OVOL2: variants seen among roughly 807,000 people sequenced by gnomAD.
OVOL2 encodes transcription factor Ovo-like 2.
A neutral mutation model predicts 18.1 loss-of-function variants in OVOL2; 13 were observed. The observed-to-expected ratio is 0.72, with a 90% CI of 0.47 to 1.14. The LOEUF is 1.14. Among genes scored for constraint, OVOL2 ranks in the 50% most tolerant of loss-of-function variants. The pLI is 0.00. For synonymous variants in OVOL2, 166 were observed against 162.7 expected, an observed-to-expected ratio of 1.02 and a Z score of -0.16; for missense variants, 335 against 383.0, an observed-to-expected ratio of 0.87 and a Z score of 1.05.
At chr20:18,038,738 A>T (rs2036642500) in intron 3 of OVOL2, among the ~76,000 whole-genome samples, 1 of 151,870 alleles carries the variant, frequency 6.6e-6, no homozygotes, top group Non-Finnish European at 1.5e-5. Flanking sequence ...CTCAGAGATG[A>T]TGTCCTTGAG....
intron 3 of OVOL2, among the ~76,000 whole-genome samples, chr20:18,031,683 T>C (rs777428328): frequency 2.0e-5 from 3 of 152,248 alleles, no homozygotes; most frequent in Non-Finnish European, 4.4e-5. Context: ...GTGTTACTTA[T>C]TTCACAACAA....
At chr20:18,026,915 A>G (rs2036524702) in intron 3 of OVOL2, among the ~76,000 whole-genome samples, 1 of 152,072 alleles carries the variant, frequency 6.6e-6, no homozygotes, top group African/African-American at 2.4e-5. Flanking sequence ...GATGGGACTT[A>G]AAGGTGGAAC....
intron 3 of OVOL2, among the ~76,000 whole-genome samples, chr20:18,032,378 G>GAGGA (rs150924331): frequency 2.0e-5 from 3 of 150,660 alleles, no homozygotes; most frequent in African/African-American, 2.5e-5. Context: ...GGAAGGGAAG[G>GAGGA]AGGAAGGAAG....
chr20:18,024,939 G>A lies in OVOL2; in HGVS notation c.525C>T (p.Tyr175=), dbSNP rs369150571. ...AGGCTTTATTGCAGACGTTGCATTT[G>A]TAGGGACGAATGCCTGAAAGGATGA... ...HVRTHTGIRP[Y]KCNVCNKAFT... The change falls in exon 4 of 4, where the codon TAC becomes TAT. Residue 175 remains tyrosine (Y), a synonymous_variant. Coordinates refer to ENST00000278780, the MANE Select transcript of OVOL2 (RefSeq NM_021220.4). 34 of 1,610,890 alleles carry A rather than the reference G, an allele frequency of 2.1e-5. No individual in the cohort carries two copies. The highest frequency in any genetic ancestry group is 2.6e-5 in the Non-Finnish European group (31 of 1,177,364).
rs1029568155 is a variant in OVOL2, at chr20:18,057,770, C to A, written c.-136G>T. On this transcript the variant is annotated 5_prime_UTR_variant, in exon 1 of 4. Coordinates refer to ENST00000278780, the MANE Select transcript of OVOL2 (RefSeq NM_021220.4). The surrounding 1 kb of genome is among the most constrained non-coding windows in gnomAD (Gnocchi z 6.3). ...CTCGCCTGCCCTCTTCCTCCACCCCCCGCCGCGGCGCGGCCCAGGCCTCTC... is the reference window on the plus strand; with the variant it reads ...CTCGCCTGCCCTCTTCCTCCACCCCACGCCGCGGCGCGGCCCAGGCCTCTC... The A allele has an allele frequency of 8.5e-6, 12 of 1,410,502 alleles. No individual in the cohort carries two copies. The highest frequency in any genetic ancestry group is 5.7e-5 in the East Asian group (2 of 35,294). 87.4% of individuals were successfully genotyped at this position (1,410,502 alleles called of 1,614,324 possible).
chr20:18,051,556 G>A (rs2036771309), intron 2 of OVOL2, among the ~76,000 whole-genome samples: 1 of 152,084 alleles, frequency 6.6e-6, no homozygotes, highest in Non-Finnish European at 1.5e-5. Flanking sequence ...GAAGACAGAT[G>A]CCCCACAGTG....
In OVOL2 at chr20:18,057,264, C is replaced by T. The variant is rs976621537; in HGVS notation, c.100+271G>A. On this transcript the variant is annotated intron_variant, in intron 1 of 3. Coordinates refer to ENST00000278780, the MANE Select transcript of OVOL2 (RefSeq NM_021220.4). This position sits in a 1 kb window ranked among gnomAD's most constrained non-coding sequence, Gnocchi z 6.3. ...GGGGTAGCCTCTGCTGGCTTTCAAT[C>T]CCTTTCCTGGGCCACCTTGGCCCGC... Among the ~76,000 whole-genome samples, 1 of 152,194 alleles carries T rather than the reference C, an allele frequency of 6.6e-6. No individual in the cohort carries two copies. The highest frequency in any genetic ancestry group is 1.5e-5 in the Non-Finnish European group (1 of 68,022).
At chr20:18,039,274 A>T (rs1341619697) in intron 3 of OVOL2, among the ~76,000 whole-genome samples, 1 of 152,178 alleles carries the variant, frequency 6.6e-6, no homozygotes, top group Non-Finnish European at 1.5e-5. Flanking sequence ...GTCGGCACTT[A>T]GGATCTGTGC....
At chr20:18,043,039 G>T (rs1289334650) in intron 2 of OVOL2, among the ~76,000 whole-genome samples, 1 of 152,122 alleles carries the variant, frequency 6.6e-6, no homozygotes, top group Non-Finnish European at 1.5e-5. Context: ...GGACTACCTG[G>T]CCAATGAAAT....
intron 3 of OVOL2, among the ~76,000 whole-genome samples, chr20:18,029,206 T>G (rs6045148): frequency 0.13 from 20,511 of 151,952 alleles, 1,539 homozygotes; most frequent in East Asian, 0.31. Context: ...TTTGTATTTT[T>G]TTAGTAGAGA....
At chr20:18,045,491 C>G (rs76641759) in intron 2 of OVOL2, among the ~76,000 whole-genome samples, 1 of 152,022 alleles carries the variant, frequency 6.6e-6, no homozygotes, top group South Asian at 2.1e-4. Flanking sequence ...CTATTGCAGT[C>G]TAGAATGAAA....
chr20:18,035,055 C>T lies in OVOL2; in HGVS notation c.511+6479G>A, dbSNP rs183215931. 1.8e-4 allele frequency among the ~76,000 whole-genome samples: 27 copies of T among 152,286 alleles called. No homozygotes were observed. In the South Asian group the frequency reaches 5.0e-3, roughly 28 times the overall value. On this transcript the variant is annotated intron_variant, in intron 3 of 3. Coordinates refer to ENST00000278780, the MANE Select transcript of OVOL2 (RefSeq NM_021220.4). ...ACATACCCCTCATTTAACTATCTGT[C>T]GTATTTATGTTAAGTGTCTATATCT...
chr20:18,046,771 C>T (rs987097248), intron 2 of OVOL2, among the ~76,000 whole-genome samples: 4 of 152,126 alleles, frequency 2.6e-5, no homozygotes, highest in Admixed American at 2.6e-4. Flanking sequence ...CACTGGAGCA[C>T]CTTTATTTTG....
rs143630141 is a variant in OVOL2 at position 18,041,518 on chromosome 20, C to T, written c.511+16G>A. The T allele has an allele frequency of 3.2e-5, 51 of 1,599,448 alleles. No individual in the cohort carries two copies. In the African/African-American group the frequency reaches 3.6e-4, roughly 11 times the overall value. ...GAATAACAAAACAGAGAACAAAGCA[C>T]GCACTCCCCGCTCACCTGTGTGTGT... On this transcript the variant is annotated intron_variant, in intron 3 of 3. Coordinates refer to ENST00000278780, the MANE Select transcript of OVOL2 (RefSeq NM_021220.4).
chr20:18,026,117 T>C (rs1460641129), intron 3 of OVOL2, among the ~76,000 whole-genome samples: 1 of 152,210 alleles, frequency 6.6e-6, no homozygotes, highest in South Asian at 2.1e-4. Context: ...ACAGGTACAA[T>C]ATAGAGCAGG....
intron 3 of OVOL2, among the ~76,000 whole-genome samples, chr20:18,025,153 A>AAAACAAAC (rs528401680): frequency 1.3e-5 from 2 of 152,160 alleles, no homozygotes; most frequent in Non-Finnish European, 2.9e-5. Flanking sequence ...GCCAACATAG[A>AAAACAAAC]AAACAAACAA....
intron 3 of OVOL2, among the ~76,000 whole-genome samples, chr20:18,040,129 GC>G (rs1218449055): frequency 6.6e-6 from 1 of 152,142 alleles, no homozygotes; most frequent in Non-Finnish European, 1.5e-5. Context: ...TTTCGATGTT[GC>G]CCAGGCTGGT....
chr20:18,054,797 G>C (rs1202324580), intron 2 of OVOL2, among the ~76,000 whole-genome samples: 1 of 143,718 alleles, frequency 7.0e-6, no homozygotes, highest in Non-Finnish European at 1.5e-5. Context: ...GAAAAGAAAA[G>C]AAAAGAAAAG....
intron 3 of OVOL2, among the ~76,000 whole-genome samples, chr20:18,034,708 CA>C (rs34087006): frequency 0.32 from 48,705 of 150,980 alleles, 8,285 homozygotes; most frequent in Non-Finnish European, 0.39. Context: ...AACTCACAGC[CA>C]AAAAAGAAGT....
Sources: gnomAD v4.1 joint callset for allele counts (sites outside exome capture counted in the v4.1 genomes callset) on GRCh38, gnomAD v4.1.1 for gene constraint, Gnocchi (gnomAD v3.1) non-coding constraint, MANE v1.5 for transcripts, NCBI Gene and HGNC (gene_info 2026-07-23, HGNC 2026-07-21) for gene names.